QKI: variants seen among roughly 807,000 people sequenced by gnomAD.
QKI encodes QKI, KH domain containing RNA binding, also known as KH domain-containing RNA-binding protein QKI.
QKI carries 10 observed loss-of-function variants against 39.0 expected under a neutral mutation model. The ratio of observed to expected loss-of-function variants is 0.26; its 90% CI spans 0.16 to 0.43. The LOEUF (loss-of-function observed/expected upper bound fraction) is 0.43, where lower values mean the gene tolerates loss of function less well. QKI is among the 20% of genes least tolerant of loss of function. QKI has a pLI of 1.00. For missense variants in QKI, 218 were observed against 428.0 expected, an observed-to-expected ratio of 0.51 and a Z score of 4.33; for synonymous variants, 204 against 155.4, an observed-to-expected ratio of 1.31 and a Z score of -2.33.
intron 3 of QKI, among the ~76,000 whole-genome samples, chr6:163,517,093 C>A (rs930657683): frequency 6.9e-6 from 1 of 145,216 alleles, no homozygotes; most frequent in African/African-American, 2.8e-5. Flanking sequence ...CTCTCTCTCT[C>A]TCTCTCTCTA....
chr6:163,567,039 T>C, intron 7 of QKI: 1 of 1,128,528 alleles, frequency 8.9e-7, no homozygotes, highest in Non-Finnish European at 1.1e-6. Context: ...TTATTCCTAC[T>C]AAAACATAAA....
intron 7 of QKI, chr6:163,568,497 C>G (rs938726773): frequency 1.8e-5 from 18 of 985,480 alleles, no homozygotes; most frequent in Non-Finnish European, 2.2e-5. Flanking sequence ...AACCGAAATG[C>G]TCATTTCTTT....
At position 163,521,095 on chromosome 6, in the gene QKI, A is replaced by G. The variant is rs542007862; in HGVS notation, c.403-13887A>G. 5.3e-5 allele frequency among the ~76,000 whole-genome samples: 8 copies of G among 152,268 alleles called. No homozygotes were observed. In the South Asian group the frequency reaches 1.7e-3, roughly 32 times the overall value. On this transcript the variant is annotated intron_variant, in intron 3 of 7. Transcript: ENST00000361752. ...TTAATACTTTGGAATTTAAGTGAAG[A>G]AAGAACTCCATTTAATACACTAAGC...
At chr6:163,523,854 T>A (rs193275396) in intron 3 of QKI, among the ~76,000 whole-genome samples, 6 of 152,300 alleles carry the variant, frequency 3.9e-5, no homozygotes, top group African/African-American at 1.2e-4. Flanking sequence ...AGTCTTTGCT[T>A]TCTAGAGCTT....
rs80242350 is a variant in QKI at position 163,506,080 on chromosome 6, A to G, written c.402+27184A>G. 3.3e-3 allele frequency among the ~76,000 whole-genome samples: 491 copies of G among 148,640 alleles called. 4 individuals are homozygous for G. Among genetic ancestry groups the G allele is most frequent in the African/African-American group, 0.011 (461 of 40,096 alleles). On this transcript the variant is annotated intron_variant, in intron 3 of 7. Coordinates refer to ENST00000361752, the MANE Select transcript of QKI (RefSeq NM_006775.3). ...TGTTCCCACCCCGCCCGCCTCCATC[A>G]CCTTGTGAAGAAGGTGCTCTTTTCC...
At chr6:163,568,093 G>A in intron 7 of QKI, 1 of 985,390 alleles carries the variant, frequency 1.0e-6, no homozygotes, top group Non-Finnish European at 1.2e-6. Flanking sequence ...GGTATTCCTT[G>A]TAAGTGTTCT....
intron 7 of QKI, chr6:163,570,385 G>C: frequency 1.0e-6 from 1 of 981,900 alleles, no homozygotes; most frequent in Non-Finnish European, 1.2e-6. Flanking sequence ...TTCCTTCATT[G>C]ACTGCTACTA....
chr6:163,517,885 A>G (rs1187970767), intron 3 of QKI, among the ~76,000 whole-genome samples: 1 of 152,110 alleles, frequency 6.6e-6, no homozygotes, highest in Non-Finnish European at 1.5e-5. Flanking sequence ...TTATTAGATG[A>G]TACACAGCTA....
intron 7 of QKI, chr6:163,569,006 G>A (rs1783543127): frequency 2.0e-6 from 2 of 983,818 alleles, no homozygotes; most frequent in African/African-American, 3.5e-5. Context: ...TTTTTTCTGA[G>A]TAATACAAAA....
intron 1 of QKI, among the ~76,000 whole-genome samples, chr6:163,426,668 T>A (rs1788428887): frequency 1.3e-5 from 2 of 152,194 alleles, no homozygotes; most frequent in African/African-American, 4.8e-5. Context: ...CCATTCTTTC[T>A]GCAATTACTT....
intron 7 of QKI, chr6:163,568,717 C>T: frequency 1.0e-6 from 1 of 985,312 alleles, no homozygotes; most frequent in Non-Finnish European, 1.2e-6. Flanking sequence ...GACATATAAC[C>T]ATGTAATTCT....
At chr6:163,419,633 A>T (rs1165287340) in intron 1 of QKI, among the ~76,000 whole-genome samples, 1 of 152,182 alleles carries the variant, frequency 6.6e-6, no homozygotes, top group Non-Finnish European at 1.5e-5. Flanking sequence ...GTCACGGAAA[A>T]GATCAGTTGT....
intron 5 of QKI, 135 bp from the exon 6 acceptor site, chr6:163,563,285 A>C: frequency 2.8e-6 from 2 of 716,228 alleles, no homozygotes; most frequent in Non-Finnish European, 4.3e-6. Flanking sequence ...TTGTGTGATC[A>C]GCGCATGTAC....
chr6:163,513,405 A>T (rs892886283), intron 3 of QKI, among the ~76,000 whole-genome samples: 1 of 152,188 alleles, frequency 6.6e-6, no homozygotes, highest in African/African-American at 2.4e-5. Flanking sequence ...AAGCAGATTA[A>T]TTGACAGAGA....
intron 1 of QKI, among the ~76,000 whole-genome samples, chr6:163,430,151 A>G (rs886843870): frequency 6.6e-6 from 1 of 152,170 alleles, no homozygotes; most frequent in African/African-American, 2.4e-5. Flanking sequence ...ATAATTCTCT[A>G]TTAGAGAGAG....
intron 1 of QKI, among the ~76,000 whole-genome samples, chr6:163,430,919 G>T (rs1238303490): frequency 1.3e-5 from 2 of 152,154 alleles, no homozygotes; most frequent in African/African-American, 4.8e-5. Flanking sequence ...TTCAGGATGT[G>T]TTGCCATATT....
chr6:163,522,782 G>A (rs1377240654), intron 3 of QKI, among the ~76,000 whole-genome samples: 2 of 152,078 alleles, frequency 1.3e-5, no homozygotes, highest in African/African-American at 4.8e-5. Context: ...CATAAACTAG[G>A]GTCATTATTC....
intron 2 of QKI, among the ~76,000 whole-genome samples, chr6:163,474,634 A>G (rs1002476030): frequency 1.3e-5 from 2 of 152,020 alleles, no homozygotes; most frequent in African/African-American, 2.4e-5. Flanking sequence ...AAAGCTCTAC[A>G]TTTTTGAGGC....
intron 1 of QKI, among the ~76,000 whole-genome samples, chr6:163,443,802 G>T (rs189238993): frequency 6.6e-6 from 1 of 152,136 alleles, no homozygotes; most frequent in African/African-American, 2.4e-5. Context: ...GAATACAATC[G>T]AAAAGGTTAA....
Sources: gnomAD v4.1 joint callset for allele counts (sites outside exome capture counted in the v4.1 genomes callset) on GRCh38, gnomAD v4.1.1 for gene constraint, MANE v1.5 for transcripts, NCBI Gene and HGNC (gene_info 2026-07-23, HGNC 2026-07-21) for gene names.